The following PAM variants were observed in gnomAD, a reference collection of about 807,000 sequenced individuals.
PAM encodes the protein peptidylglycine alpha-amidating monooxygenase.
Under a neutral mutation model 122.1 loss-of-function variants are expected in PAM, and 72 were observed. The ratio of observed to expected loss-of-function variants is 0.59; its 90% CI spans 0.49 to 0.72. PAM has a LOEUF of 0.72. Ranked by LOEUF, PAM falls within the 30% of genes least tolerant of loss-of-function variation. The probability of loss-of-function intolerance (pLI) is 0.00; values close to 1 mark genes in which losing one functional copy is unlikely to be tolerated. For missense variants in PAM, 1,106 were observed against 1,183.7 expected (o/e 0.93, Z 0.96); for synonymous variants, 389 against 404.4 (o/e 0.96, Z 0.46).
chr5:102,974,229 A>T lies in PAM; in HGVS notation c.1276A>T (p.Ile426Phe), dbSNP rs766228923. 17 of 1,613,896 alleles carry T rather than the reference A, an allele frequency of 1.1e-5. 1 individual carries two copies. The South Asian group carries it at 1.9e-4, about 18-fold the overall frequency. ...ATCAGAGTCAGACCTGGTAGCTGAG[A>T]TTGCAAATGTAGTCCAAAAAAAGGA... The part of the protein sequence containing the change: ...AESESDLVAE[I>F]ANVVQKKDLG... The change falls in exon 15 of 26, where the codon ATT (isoleucine) becomes TTT (phenylalanine). Residue 426 changes from isoleucine (I) to phenylalanine (F), a missense_variant. By Grantham distance (21) the Ile-to-Phe change is conservative (BLOSUM62 0). Transcript: ENST00000438793.
In PAM at chr5:102,950,706, C is replaced by CT; in HGVS notation, c.802-6dup. On this transcript the variant is annotated splice_polypyrimidine_tract_variant and intron_variant, in intron 11 of 25. Coordinates refer to ENST00000438793, the MANE Select transcript of PAM (RefSeq NM_001177306.2). ...AATATTAATGATTCATTGTGTTTGT[C>CT]TTTTTGGTAGGCTTTCTACCCTGTG... 2 of 1,535,720 alleles carry CT rather than the reference C, an allele frequency of 1.3e-6. No individual in the cohort carries two copies. Among genetic ancestry groups the CT allele is most frequent in the Non-Finnish European group, 1.8e-6 (2 of 1,110,138 alleles).
At chr5:102,840,271 G>T (rs890755980) in intron 1 of PAM, among the ~76,000 whole-genome samples, 4 of 152,108 alleles carry the variant, frequency 2.6e-5, no homozygotes, top group African/African-American at 9.7e-5. Flanking sequence ...TATAATCTTT[G>T]TTTCCATTCA....
chr5:102,914,119 A>G (rs1281586248), intron 5 of PAM, 98 bp downstream of exon 5: 1 of 703,228 alleles, frequency 1.4e-6, no homozygotes, highest in East Asian at 2.6e-5. Flanking sequence ...GTTAATAAAT[A>G]GGCAGAACAT....
chr5:102,831,744 G>A (rs1775518493), intron 1 of PAM, among the ~76,000 whole-genome samples: 4 of 152,056 alleles, frequency 2.6e-5, no homozygotes, highest in Non-Finnish European at 4.4e-5. Flanking sequence ...CCTCCGTACA[G>A]TATTCACTTT....
chr5:102,782,721 C>CTGTGTGTG (rs1460448799), intron 1 of PAM, among the ~76,000 whole-genome samples: 30 of 144,982 alleles, frequency 2.1e-4, no homozygotes, highest in African/African-American at 8.1e-4. Flanking sequence ...CTCTCTCTCT[C>CTGTGTGTG]TCTCTGTGTG....
At chr5:102,933,452 T>G (rs1162414160) in intron 7 of PAM, among the ~76,000 whole-genome samples, 1 of 152,276 alleles carries the variant, frequency 6.6e-6, no homozygotes, top group Non-Finnish European at 1.5e-5. Context: ...TCTTGCATTA[T>G]TCCATGCTGG....
intron 1 of PAM, among the ~76,000 whole-genome samples, chr5:102,782,721 C>CTGTGTGTGTGTGTG (rs1460448799): frequency 6.9e-6 from 1 of 144,912 alleles, no homozygotes; most frequent in African/African-American, 2.7e-5. Context: ...CTCTCTCTCT[C>CTGTGTGTGTGTGTG]TCTCTGTGTG....
chr5:102,783,603 A>G (rs770749430), intron 1 of PAM, among the ~76,000 whole-genome samples: 1 of 152,214 alleles, frequency 6.6e-6, no homozygotes, highest in Non-Finnish European at 1.5e-5. Flanking sequence ...CAGTCTCAGT[A>G]CAATTTTAGG....
chr5:103,007,742 T>C, intron 20 of PAM, 85 bp downstream of exon 20: 1 of 825,802 alleles, frequency 1.2e-6, no homozygotes, highest in Non-Finnish European at 1.9e-6. Flanking sequence ...GCTCTTTTTA[T>C]AAATTTTCTT....
At position 103,028,940 on chromosome 5, in the gene PAM, T is replaced by C; in HGVS notation, c.2797T>C (p.Tyr933His). The change falls in exon 26 of 26, where the codon TAC becomes CAC. Residue 933 changes from tyrosine to histidine, a missense_variant. Transcript: ENST00000438793. Reference sequence around the variant, plus strand: ...TAATTTCTTTGCAAGCCGTAAGGGCTACAGTCGAAAAGGGTTTGACCGGCT... The same window carrying C: ...TAATTTCTTTGCAAGCCGTAAGGGCCACAGTCGAAAAGGGTTTGACCGGCT... ...LGNFFASRKG[Y>H]SRKGFDRLST... 1 of 1,613,764 alleles carries C rather than the reference T, an allele frequency of 6.2e-7. No individual in the cohort carries two copies. Among genetic ancestry groups the C allele is most frequent in the South Asian group, 1.1e-5 (1 of 91,046 alleles).
intron 21 of PAM, among the ~76,000 whole-genome samples, chr5:103,013,013 C>T (rs531152116): frequency 5.9e-5 from 9 of 152,058 alleles, no homozygotes; most frequent in African/African-American, 2.2e-4. Flanking sequence ...AATATGACTC[C>T]TCCAGTTTTG....
chr5:103,017,484 T>A, intron 22 of PAM, 51 bp downstream of exon 22: 1 of 1,082,630 alleles, frequency 9.2e-7, no homozygotes, highest in Non-Finnish European at 1.4e-6. Flanking sequence ...TTTGATTGCT[T>A]AAAAGCATAT....
At chr5:103,023,793 A>T (rs1784265406) in intron 23 of PAM, among the ~76,000 whole-genome samples, 1 of 152,120 alleles carries the variant, frequency 6.6e-6, no homozygotes, top group Non-Finnish European at 1.5e-5. Flanking sequence ...GTGATGATTA[A>T]AGGAAACGAT....
intron 1 of PAM, among the ~76,000 whole-genome samples, chr5:102,865,012 C>G (rs1163355191): frequency 6.6e-6 from 1 of 152,130 alleles, no homozygotes; most frequent in Admixed American, 6.5e-5. Flanking sequence ...TTGATCATAA[C>G]CTTTGAAGAT....
intron 3 of PAM, among the ~76,000 whole-genome samples, chr5:102,871,942 A>G (rs540568339): frequency 1.1e-3 from 163 of 152,082 alleles, no homozygotes; most frequent in African/African-American, 3.8e-3. Flanking sequence ...TACAAGTGCA[A>G]ACAAATTTGC....
At chr5:102,926,712 T>C (rs1157122842) in intron 7 of PAM, 44 bp downstream of exon 7, 1 of 981,508 alleles carries the variant, frequency 1.0e-6, no homozygotes, top group Non-Finnish European at 1.6e-6. Context: ...TCTAGTACTA[T>C]ATTGTTTAAA....
chr5:103,011,699 A>G lies in PAM; in HGVS notation c.2331+1833A>G, dbSNP rs186650216. ...CTTAGGTTGCTTCCAAATCTTGGCT[A>G]TTGTGAACAGTGCTGCAACAAACGT... On this transcript the variant is annotated intron_variant, in intron 21 of 25. Coordinates refer to ENST00000438793, the MANE Select transcript of PAM (RefSeq NM_001177306.2). Among the ~76,000 whole-genome samples the G allele has an allele frequency of 3.5e-3, 539 of 152,266 alleles. 5 individuals carry two copies. Among genetic ancestry groups the G allele is most frequent in the African/African-American group, 0.012 (510 of 41,550 alleles).
intron 15 of PAM, among the ~76,000 whole-genome samples, chr5:102,980,382 A>G (rs1313703282): frequency 2.0e-5 from 3 of 152,202 alleles, no homozygotes; most frequent in Admixed American, 2.0e-4. Context: ...ATTTTATCAT[A>G]TAATTTCTTT....
intron 19 of PAM, 135 bp downstream of exon 19, chr5:103,007,146 C>T (rs1779205760): frequency 1.6e-6 from 1 of 632,526 alleles, no homozygotes; most frequent in East Asian, 2.8e-5. Flanking sequence ...TCATTGTATG[C>T]ATCCAGTTAG....
Sources: gnomAD v4.1 joint callset for allele counts (sites outside exome capture counted in the v4.1 genomes callset) on GRCh38, gnomAD v4.1.1 for gene constraint, MANE v1.5 for transcripts, NCBI Gene and HGNC (gene_info 2026-07-23, HGNC 2026-07-21) for gene names.